CNIH3: variants seen among roughly 807,000 people sequenced by gnomAD.
CNIH3 encodes the protein protein cornichon homolog 3.
CNIH3 carries 14 observed loss-of-function variants against 24.1 expected under a neutral mutation model. The ratio of observed to expected loss-of-function variants is 0.58; its 90% CI spans 0.38 to 0.91. The LOEUF is 0.91. CNIH3 is among the 40% of genes least tolerant of loss of function. CNIH3 has a pLI of 0.00. For missense variants in CNIH3, 178 were observed against 196.8 expected, an observed-to-expected ratio of 0.90 and a Z score of 0.57; for synonymous variants, 68 against 73.8, an observed-to-expected ratio of 0.92 and a Z score of 0.40.
intron 1 of CNIH3, among the ~76,000 whole-genome samples, chr1:224,494,358 T>C (rs1328682704): frequency 6.6e-6 from 1 of 152,196 alleles, no homozygotes; most frequent in East Asian, 1.9e-4. Context: ...GATTTATCCC[T>C]GTGTCCTTCT....
At chr1:224,516,304 C>T (rs1678377431) in intron 1 of CNIH3, among the ~76,000 whole-genome samples, 1 of 119,994 alleles carries the variant, frequency 8.3e-6, no homozygotes, top group African/African-American at 3.5e-5. Context: ...CAAACCGAGA[C>T]TCTGTCTCAA....
At chr1:224,516,011 T>A (rs1678364977) in intron 1 of CNIH3, 1 of 152,132 alleles carries the variant, frequency 6.6e-6, no homozygotes, top group Admixed American at 6.6e-5. Context: ...GACCCACAAA[T>A]GTAGAGAAAA....
chr1:224,585,573 G>A (rs1158285151), intron 5 of CNIH3, among the ~76,000 whole-genome samples: 1 of 151,812 alleles, frequency 6.6e-6, no homozygotes, highest in East Asian at 1.9e-4. Context: ...TGAACTCTTG[G>A]GCTCAAGCGG....
chr1:224,726,816 C>G (rs1322997622), intron 3 of CNIH3, among the ~76,000 whole-genome samples: 1 of 151,918 alleles, frequency 6.6e-6, no homozygotes. Flanking sequence ...TAGGCTGTGG[C>G]TTGCATGAAA....
At position 224,703,985 on chromosome 1, in the gene CNIH3, G is replaced by A. The variant is rs1687643392; in HGVS notation, c.198+19142G>A. 6.6e-6 allele frequency among the ~76,000 whole-genome samples: 1 copy of A among 150,608 alleles called. No homozygotes were observed. Among genetic ancestry groups the A allele is most frequent in the African/African-American group, 2.5e-5 (1 of 39,940 alleles). ...ACGGTGCACCAATCATGCGATGAAT[G>A]AGGCCAGAGTTTCATTGGATTGGAT... On this transcript the variant is annotated intron_variant, in intron 3 of 5. Coordinates refer to ENST00000272133, the MANE Select transcript of CNIH3 (RefSeq NM_152495.2). The surrounding 1 kb of genome is among the most constrained non-coding windows in gnomAD (Gnocchi z 4.2).
intron 1 of CNIH3, among the ~76,000 whole-genome samples, chr1:224,675,598 A>G (rs1686098129): frequency 6.6e-6 from 1 of 152,254 alleles, no homozygotes. Context: ...TCCAAAATTT[A>G]TAAAGAACTC....
In CNIH3 at chr1:224,454,524, G is replaced by T. The variant is rs1208965216; in HGVS notation, n.203+19662G>T. ...TGAGGAATGTTTCCTCTGTAGTTTC[G>T]ACAGGCACAGCTATTTGTCACTGCC... On this transcript the variant is annotated intron_variant and non_coding_transcript_variant, in intron 1 of 5. Transcript: ENST00000471578. 3.3e-5 allele frequency among the ~76,000 whole-genome samples: 5 copies of T among 152,068 alleles called. No individual in the cohort carries two copies. The East Asian group carries it at 9.6e-4, about 29-fold the overall frequency.
chr1:224,489,424 GT>G (rs201465763), intron 1 of CNIH3, among the ~76,000 whole-genome samples: 1 of 150,296 alleles, frequency 6.7e-6, no homozygotes, highest in Admixed American at 6.7e-5. Flanking sequence ...TAAGACTTTG[GT>G]TTTTTTTTCT....
chr1:224,669,535 C>T lies in CNIH3; in HGVS notation c.82-11423C>T, dbSNP rs533163834. 2.0e-5 allele frequency among the ~76,000 whole-genome samples: 3 copies of T among 152,336 alleles called. No individual in the cohort carries two copies. The South Asian group carries it at 6.2e-4, about 32-fold the overall frequency. On this transcript the variant is annotated intron_variant, in intron 1 of 5. Transcript: ENST00000272133. ...CTGCCATGGCTTTTACCTACACCCT[C>T]TACCCCAGCTTTCCCCTGCAGTGAC...
intron 3 of CNIH3, among the ~76,000 whole-genome samples, chr1:224,690,092 A>G (rs1686858521): frequency 1.3e-5 from 2 of 152,192 alleles, no homozygotes; most frequent in South Asian, 4.1e-4. Context: ...GTGAGCCCAA[A>G]TGATTGGTAT....
At chr1:224,457,269 CTCTCTCTGTGTGTGTGTGTGTG>C (rs1243167305) in intron 1 of CNIH3, among the ~76,000 whole-genome samples, 8 of 104,694 alleles carry the variant, frequency 7.6e-5, no homozygotes, top group South Asian at 2.6e-4. Context: ...GCCCTCCTCT[CTCTCTCTGTGTGTGTGTGTGTG>C]TGTGTGTGTG....
At chr1:224,441,776 C>A (rs1025221108) in intron 1 of CNIH3, among the ~76,000 whole-genome samples, 1 of 152,026 alleles carries the variant, frequency 6.6e-6, no homozygotes, top group Admixed American at 6.5e-5. Context: ...CTCGAGGCTT[C>A]TTCAGTTAAT....
intron 1 of CNIH3, among the ~76,000 whole-genome samples, chr1:224,519,236 C>T (rs1226970883): frequency 1.3e-5 from 2 of 152,166 alleles, no homozygotes; most frequent in African/African-American, 4.8e-5. Flanking sequence ...GGGGAGGCCT[C>T]ACAGTCATGG....
chr1:224,565,519 G>A (rs1325499112), intron 3 of CNIH3: 1 of 152,378 alleles, frequency 6.6e-6, no homozygotes, highest in Non-Finnish European at 1.5e-5. Flanking sequence ...CAGGCCTTCT[G>A]ACCTAGTTGT....
intron 1 of CNIH3, chr1:224,661,570 C>A: frequency 2.6e-6 from 1 of 380,528 alleles, no homozygotes; most frequent in South Asian, 2.4e-5. Context: ...AAATGGGTCT[C>A]TTCCACCAAA....
intron 3 of CNIH3, among the ~76,000 whole-genome samples, chr1:224,705,294 A>G (rs115731630): frequency 1.3e-5 from 2 of 152,346 alleles, no homozygotes; most frequent in Non-Finnish European, 2.9e-5. Flanking sequence ...CAGGATTAGG[A>G]AGCACTGCAA....
At chr1:224,492,024 G>A (rs994776359) in intron 1 of CNIH3, among the ~76,000 whole-genome samples, 2 of 152,092 alleles carry the variant, frequency 1.3e-5, no homozygotes, top group African/African-American at 4.8e-5. Context: ...CAAAGTGCTG[G>A]GACTGTGGGC....
intron 2 of CNIH3, among the ~76,000 whole-genome samples, chr1:224,530,193 G>A (rs1437128568): frequency 6.6e-6 from 1 of 152,210 alleles, no homozygotes; most frequent in African/African-American, 2.4e-5. Flanking sequence ...GAATGCCGGA[G>A]GGGACTAGAG....
chr1:224,476,030 G>GA (rs34560778), intron 1 of CNIH3, among the ~76,000 whole-genome samples: 26 of 152,078 alleles, frequency 1.7e-4, no homozygotes, highest in Non-Finnish European at 3.2e-4. Flanking sequence ...AAAAGCATTC[G>GA]AAAAAATTCA....
Sources: allele counts gnomAD v4.1 joint callset (sites outside exome capture counted in the v4.1 genomes callset), GRCh38; gene constraint gnomAD v4.1.1; non-coding constraint Gnocchi (gnomAD v3.1); transcripts MANE v1.5; gene names NCBI Gene and HGNC (gene_info 2026-07-23, HGNC 2026-07-21).